FKBP6: variants seen among roughly 807,000 people sequenced by gnomAD.
The protein encoded by FKBP6 is FKBP prolyl isomerase family member 6 (inactive), also known as inactive peptidyl-prolyl cis-trans isomerase FKBP6.
In FKBP6, 29 loss-of-function variants were observed where a neutral mutation model predicts 41.7. The observed-to-expected ratio is 0.70, with a 90% CI of 0.52 to 0.95. The LOEUF is 0.95. FKBP6 is among the 40% of genes least tolerant of loss of function. The probability of loss-of-function intolerance (pLI) is 0.00; values close to 1 mark genes in which losing one functional copy is unlikely to be tolerated. For synonymous variants in FKBP6, 130 were observed against 165.1 expected (o/e 0.79, Z 1.63); for missense variants, 338 against 408.7 (o/e 0.83, Z 1.49).
chr7:73,330,819 G>A (rs1258569313), intron 4 of FKBP6, among the ~76,000 whole-genome samples: 1 of 152,200 alleles, frequency 6.6e-6, no homozygotes, highest in African/African-American at 2.4e-5. Context: ...AAACTGGGAT[G>A]TATGGCCACT....
chr7:73,329,301 T>C, intron 2 of FKBP6, 59 bp from the exon 3 acceptor site: 1 of 932,088 alleles, frequency 1.1e-6, no homozygotes, highest in Non-Finnish European at 1.8e-6. Context: ...AGAGACTCGA[T>C]ATTATGGTGG....
chr7:73,336,737 A>T (rs1554548597), intron 5 of FKBP6: 3 of 456,384 alleles, frequency 6.6e-6, no homozygotes, highest in Non-Finnish European at 1.3e-5. Flanking sequence ...CTTCATTTTA[A>T]TGAGGCTCTG....
chr7:73,343,611 A>G (rs572306496), intron 8 of FKBP6, among the ~76,000 whole-genome samples: 1 of 152,328 alleles, frequency 6.6e-6, no homozygotes, highest in East Asian at 1.9e-4. Flanking sequence ...TGAAAGCAAC[A>G]GGGAGCGGAA....
At chr7:73,335,121 C>T (rs1210078799) in intron 5 of FKBP6, among the ~76,000 whole-genome samples, 2 of 139,132 alleles carry the variant, frequency 1.4e-5, no homozygotes, top group Non-Finnish European at 3.0e-5. Context: ...TCTGGTTGTA[C>T]GTGTTCCTGG....
At chr7:73,343,988 A>G (rs1805268852) in intron 8 of FKBP6, among the ~76,000 whole-genome samples, 1 of 152,164 alleles carries the variant, frequency 6.6e-6, no homozygotes, top group Non-Finnish European at 1.5e-5. Flanking sequence ...GCACTTTCAG[A>G]TGCGCCCACC....
chr7:73,356,238 A>G (rs1805629720), intron 8 of FKBP6, among the ~76,000 whole-genome samples: 1 of 152,214 alleles, frequency 6.6e-6, no homozygotes, highest in Non-Finnish European at 1.5e-5. Context: ...CCATCCTGTC[A>G]GGATATGGAA....
At position 73,340,778 on chromosome 7, in the gene FKBP6, G is replaced by A; in HGVS notation, c.729G>A (p.Glu243=). ...DRPTIALCYG[E]QALIIDQKNA... Reference sequence around the variant, plus strand: ...CCACCATAGCCCTGTGCTATGGAGAGCAGGCTTTGATCATTGACCAAAAGA... The same window carrying A: ...CCACCATAGCCCTGTGCTATGGAGAACAGGCTTTGATCATTGACCAAAAGA... The change falls in exon 6 of 9, where the codon GAG becomes GAA. Residue 243 remains glutamate (E), a synonymous_variant. Coordinates refer to ENST00000252037, the MANE Select transcript of FKBP6 (RefSeq NM_003602.5). 1 of 1,614,136 alleles carries A rather than the reference G, an allele frequency of 6.2e-7. No individual in the cohort carries two copies. The highest frequency in any genetic ancestry group is 2.2e-5 in the East Asian group (1 of 44,870).
In FKBP6 at chr7:73,331,210, C is replaced by T. The variant is rs536294425; in HGVS notation, c.469-447C>T. On this transcript the variant is annotated intron_variant, in intron 4 of 8. Transcript: ENST00000252037. ...ATCATGACCATAAAGACTGCCAGGG[C>T]CCTGAGCAAACCAAGACCTGTTCAG... is the stretch of plus-strand genomic sequence containing the variant. Among the ~76,000 whole-genome samples, 5 of 152,282 alleles carry T rather than the reference C, an allele frequency of 3.3e-5. No individual in the cohort carries two copies. The South Asian group carries it at 6.2e-4, about 19-fold the overall frequency.
intron 8 of FKBP6, among the ~76,000 whole-genome samples, chr7:73,346,185 G>A (rs1554550251): frequency 6.6e-6 from 1 of 152,180 alleles, no homozygotes; most frequent in African/African-American, 2.4e-5. Context: ...CAAATGCAAG[G>A]AATGGCTGCC....
chr7:73,349,896 C>G (rs1805442339), intron 8 of FKBP6, among the ~76,000 whole-genome samples: 1 of 152,082 alleles, frequency 6.6e-6, no homozygotes, highest in East Asian at 1.9e-4. Context: ...TTGAAGGTTG[C>G]TTCGGCCCTT....
chr7:73,357,094 C>T (rs1411894213), intron 8 of FKBP6, among the ~76,000 whole-genome samples: 2 of 151,910 alleles, frequency 1.3e-5, no homozygotes, highest in Admixed American at 6.6e-5. Flanking sequence ...CCTCTCATGT[C>T]TTATTCAGAG....
chr7:73,341,968 G>A (rs571360546), intron 7 of FKBP6, among the ~76,000 whole-genome samples: 6 of 151,836 alleles, frequency 4.0e-5, no homozygotes, highest in Non-Finnish European at 5.9e-5. Context: ...AACTGGCCCC[G>A]GTGTCACTTA....
Position 73,338,191 on chromosome 7 carries a change from A to C in FKBP6, c.589-2447A>C, listed in dbSNP as rs144308363. On this transcript the variant is annotated intron_variant, in intron 5 of 8. Coordinates refer to ENST00000252037, the MANE Select transcript of FKBP6 (RefSeq NM_003602.5). ...CAGGCACCTGCCACCACACCTGGCTAATTTTTGTATTTTTAGTAGAGACAG... is the reference window on the plus strand; with the variant it reads ...CAGGCACCTGCCACCACACCTGGCTCATTTTTGTATTTTTAGTAGAGACAG... Among the ~76,000 whole-genome samples, 867 of 151,948 alleles carry C rather than the reference A, an allele frequency of 5.7e-3. 9 individuals are homozygous for C. The highest frequency in any genetic ancestry group is 0.02 in the African/African-American group (836 of 41,420).
intron 8 of FKBP6, among the ~76,000 whole-genome samples, chr7:73,353,356 A>G (rs942308573): frequency 3.3e-5 from 5 of 152,170 alleles, no homozygotes; most frequent in Non-Finnish European, 7.3e-5. Flanking sequence ...CCCATCTCTC[A>G]TACTCTGTTA....
rs537686144 is a variant in FKBP6 at position 73,345,893 on chromosome 7, G to A, written c.*2+2994G>A. Among the ~76,000 whole-genome samples, 9 of 152,236 alleles carry A rather than the reference G, an allele frequency of 5.9e-5. No homozygotes were observed. The South Asian group carries it at 8.3e-4, about 14-fold the overall frequency. ...GTTCCACGGGGCTGTGGGGCATCTC[G>A]GGAGCTGGTGCAGTCCCTGTTAGGG... On this transcript the variant is annotated intron_variant, in intron 8 of 8. Coordinates refer to ENST00000252037, the MANE Select transcript of FKBP6 (RefSeq NM_003602.5).
At chr7:73,337,309 C>CTTTTTTTTTT (rs5884903) in intron 5 of FKBP6, among the ~76,000 whole-genome samples, 1 of 112,474 alleles carries the variant, frequency 8.9e-6, no homozygotes, top group Non-Finnish European at 1.8e-5. Flanking sequence ...CTTCCATGTT[C>CTTTTTTTTTT]TTTTTTTTTT....
At chr7:73,344,653 T>G (rs1563319714) in intron 8 of FKBP6, among the ~76,000 whole-genome samples, 2 of 152,224 alleles carry the variant, frequency 1.3e-5, no homozygotes, top group Non-Finnish European at 2.9e-5. Flanking sequence ...GGCACAATCT[T>G]GGCTCACTGC....
In FKBP6 at chr7:73,341,329, G is replaced by A. The variant is rs782440513; in HGVS notation, c.840G>A (p.Gln280=). 4 of 1,613,834 alleles carry A rather than the reference G, an allele frequency of 2.5e-6. No individual in the cohort carries two copies. In the African/African-American group the frequency reaches 4.0e-5, roughly 16 times the overall value. ...QKARDFLVRA[Q]KEQPFNHDIN... is the part of the protein sequence containing the mutation. ...CCCGGGATTTTCTAGTTCGAGCCCA[G>A]AAGGAGCAACCCTTCAATCATGACA... Residue 280 remains glutamine, a synonymous_variant, in exon 7 of 9, where the codon CAG becomes CAA. Transcript: ENST00000252037.
At chr7:73,339,997 A>G (rs1563316430) in intron 5 of FKBP6, among the ~76,000 whole-genome samples, 1 of 152,254 alleles carries the variant, frequency 6.6e-6, no homozygotes, top group Non-Finnish European at 1.5e-5. Flanking sequence ...TATGTTGACC[A>G]GTTAGGAAAA....
Sources: allele counts gnomAD v4.1 joint callset (sites outside exome capture counted in the v4.1 genomes callset), GRCh38; gene constraint gnomAD v4.1.1; transcripts MANE v1.5; gene names NCBI Gene and HGNC (gene_info 2026-07-23, HGNC 2026-07-21).